Variants in FBXW4 observed in about 807,000 individuals in gnomAD.
The protein encoded by FBXW4 is F-box/WD repeat-containing protein 4.
Under a neutral mutation model 61.8 loss-of-function variants are expected in FBXW4, and 40 were observed. That is an observed-to-expected ratio of 0.65 (90% CI 0.50 to 0.84). The LOEUF is 0.84. Ranked by LOEUF, FBXW4 falls within the 40% of genes least tolerant of loss-of-function variation. The pLI is 0.00. For synonymous variants in FBXW4, 311 were observed against 313.8 expected (o/e 0.99, Z 0.10); for missense variants, 672 against 753.8 (o/e 0.89, Z 1.27).
chr10:101,631,079 A>T (rs1351911618), intron 5 of FBXW4, among the ~76,000 whole-genome samples: 1 of 152,220 alleles, frequency 6.6e-6, no homozygotes, highest in Non-Finnish European at 1.5e-5. Context: ...TATCAAACTA[A>T]AGCCGAATAA....
rs1427014984 is a variant in FBXW4 at position 101,694,925 on chromosome 10, C to T, written c.181G>A (p.Gly61Arg). 6.5e-6 allele frequency: 8 copies of T among 1,238,748 alleles called. No homozygotes were observed. The East Asian group carries it at 1.6e-4, about 25-fold the overall frequency. The allele number at this position is 1,238,748 out of a possible 1,614,324, so 76.7% of individuals were successfully genotyped here. A position where few individuals can be genotyped will look rare whatever the true frequency, so the allele number is the denominator to read the frequency against. Residue 61 changes from glycine to arginine, a missense_variant, in exon 1 of 9, where the codon GGG becomes AGG. Physicochemically the swap from Gly to Arg is moderately radical, Grantham distance 125. This residue lies in a region of FBXW4 where 311 missense variants were observed against 301.1 expected (regional missense o/e 1.03). Coordinates refer to ENST00000331272, the MANE Select transcript of FBXW4 (RefSeq NM_022039.4). This position sits in a 1 kb window ranked among gnomAD's most constrained non-coding sequence, Gnocchi z 6.0. ...GCTGCCTCCTTCGCCGTCTGCGGCC[C>T]GGGCTTCCCTTCCGCCCCGCTTCCT... ...GRGSGAEGKP[G>R]PQTAKEAAGP...
intron 6 of FBXW4, among the ~76,000 whole-genome samples, chr10:101,617,108 G>A (rs2063831342): frequency 6.6e-6 from 1 of 152,218 alleles, no homozygotes; most frequent in African/African-American, 2.4e-5. Flanking sequence ...CATATCCTGA[G>A]TCCATACTGT....
At chr10:101,656,533 T>C (rs2064186766) in intron 5 of FBXW4, among the ~76,000 whole-genome samples, 2 of 152,194 alleles carry the variant, frequency 1.3e-5, no homozygotes, top group East Asian at 3.9e-4. Flanking sequence ...TTAGCCCACA[T>C]ATGGAGGCTC....
In FBXW4 at chr10:101,635,323, A is replaced by G. The variant is rs1025830198; in HGVS notation, c.1236-10513T>C. Among the ~76,000 whole-genome samples the G allele has an allele frequency of 2.4e-5, 3 of 127,090 alleles. 1 individual carries two copies. Among genetic ancestry groups the G allele is most frequent in the African/African-American group, 9.6e-5 (3 of 31,144 alleles). The allele number at this position is 127,090 out of a possible 152,430, so 83.4% of individuals were successfully genotyped here. ...CTGATTCTACATTATGGTGAGTTGT[A>G]TAATTATTTCATTATATATTACAAT... On this transcript the variant is annotated intron_variant, in intron 5 of 8. Transcript: ENST00000331272.
At chr10:101,689,669 A>G (rs2064571961) in intron 1 of FBXW4, among the ~76,000 whole-genome samples, 1 of 152,236 alleles carries the variant, frequency 6.6e-6, no homozygotes, top group Non-Finnish European at 1.5e-5. Context: ...GTAACCAGTT[A>G]GCAATACCAT....
intron 5 of FBXW4, chr10:101,659,391 C>G: frequency 1.0e-6 from 1 of 985,404 alleles, no homozygotes; most frequent in Non-Finnish European, 1.2e-6. Flanking sequence ...CAGTAAAGTC[C>G]AGGCTCCAAG....
intron 2 of FBXW4, among the ~76,000 whole-genome samples, chr10:101,674,661 A>G (rs2064390859): frequency 6.6e-6 from 1 of 152,234 alleles, no homozygotes; most frequent in Admixed American, 6.5e-5. Flanking sequence ...GTGGCAATGG[A>G]AAAACACAGC....
At chr10:101,663,033 C>T (rs1429110999) in intron 5 of FBXW4, among the ~76,000 whole-genome samples, 1 of 152,192 alleles carries the variant, frequency 6.6e-6, no homozygotes, top group Non-Finnish European at 1.5e-5. Context: ...GAATAAGGCA[C>T]AGCAATGACA....
At chr10:101,667,516 G>A (rs1258813805) in intron 5 of FBXW4, among the ~76,000 whole-genome samples, 1 of 152,098 alleles carries the variant, frequency 6.6e-6, no homozygotes, top group Non-Finnish European at 1.5e-5. Context: ...AGAGCAGGTT[G>A]GCTGGTGCTG....
At chr10:101,644,454 C>T (rs554856441) in intron 5 of FBXW4, among the ~76,000 whole-genome samples, 7 of 152,302 alleles carry the variant, frequency 4.6e-5, no homozygotes, top group Admixed American at 3.9e-4. Context: ...TACTTAGCAC[C>T]ACAGCCCTGC....
At chr10:101,655,894 C>T (rs921687709) in intron 5 of FBXW4, among the ~76,000 whole-genome samples, 2 of 152,228 alleles carry the variant, frequency 1.3e-5, no homozygotes, top group African/African-American at 2.4e-5. Context: ...CCAGGCACCA[C>T]AGCTTGGACC....
chr10:101,628,929 C>A (rs751132324), intron 5 of FBXW4, among the ~76,000 whole-genome samples: 1 of 152,206 alleles, frequency 6.6e-6, no homozygotes, highest in Non-Finnish European at 1.5e-5. Context: ...CTGCCTTACT[C>A]GTCCCCTGGC....
chr10:101,659,433 G>A, intron 5 of FBXW4: 4 of 985,404 alleles, frequency 4.1e-6, no homozygotes, highest in Non-Finnish European at 4.8e-6. Flanking sequence ...TGAACAGAAA[G>A]AGAGAAAGGT....
chr10:101,668,172 C>T (rs1377223651), intron 4 of FBXW4, among the ~76,000 whole-genome samples, 192 bp from the exon 5 acceptor site: 3 of 152,344 alleles, frequency 2.0e-5, no homozygotes, highest in South Asian at 2.1e-4. Flanking sequence ...TAGGCCCTAG[C>T]TCTCCATCCT....
At chr10:101,683,231 T>C (rs758950847) in intron 1 of FBXW4, among the ~76,000 whole-genome samples, 20 of 152,218 alleles carry the variant, frequency 1.3e-4, no homozygotes, top group Non-Finnish European at 2.5e-4. Context: ...TGGTTACTAA[T>C]GTAAAGTGAG....
chr10:101,610,887 A>G lies in FBXW4; in HGVS notation c.*404T>C, dbSNP rs2134791512. On this transcript the variant is annotated 3_prime_UTR_variant, in exon 9 of 9. Coordinates refer to ENST00000331272, the MANE Select transcript of FBXW4 (RefSeq NM_022039.4). ...TGGCTGGTGCCAGGAGGCTATTGGC[A>G]GCCTCACCTTTCCTTCCAGGAAGGG... 6.4e-6 allele frequency: 1 copy of G among 156,430 alleles called. No homozygotes were observed. The highest frequency in any genetic ancestry group is 1.4e-5 in the Non-Finnish European group (1 of 70,722). 9.7% of individuals were successfully genotyped at this position (156,430 alleles called of 1,614,324 possible).
intron 6 of FBXW4, among the ~76,000 whole-genome samples, chr10:101,616,930 T>C (rs2063829882): frequency 6.6e-6 from 1 of 152,196 alleles, no homozygotes; most frequent in Non-Finnish European, 1.5e-5. Flanking sequence ...CCTGAATCCA[T>C]GATAAAGGCA....
At chr10:101,675,450 T>C (rs2064398504) in intron 2 of FBXW4, among the ~76,000 whole-genome samples, 1 of 152,140 alleles carries the variant, frequency 6.6e-6, no homozygotes, top group Non-Finnish European at 1.5e-5. Context: ...AAAAGGCAAA[T>C]GTGGGAAGCA....
chr10:101,644,177 C>T (rs1240337488), intron 5 of FBXW4, among the ~76,000 whole-genome samples: 2 of 152,186 alleles, frequency 1.3e-5, no homozygotes, highest in African/African-American at 4.8e-5. Flanking sequence ...TTCAGCCTTT[C>T]CAGTGAATGG....
Sources: allele counts gnomAD v4.1 joint callset (sites outside exome capture counted in the v4.1 genomes callset), GRCh38; gene constraint gnomAD v4.1.1; regional missense constraint gnomAD v4.1.1; non-coding constraint Gnocchi (gnomAD v3.1); transcripts MANE v1.5; gene names NCBI Gene and HGNC (gene_info 2026-07-23, HGNC 2026-07-21).